Variants in AASS observed in about 807,000 individuals in gnomAD.
AASS encodes aminoadipate-semialdehyde synthase, also known as alpha-aminoadipic semialdehyde synthase, mitochondrial.
Under a neutral mutation model 105.4 loss-of-function variants are expected in AASS, and 86 were observed. The ratio of observed to expected loss-of-function variants is 0.82; its 90% confidence interval spans 0.69 to 0.98. The LOEUF is 0.98. Among genes scored for constraint, AASS ranks in the 50% least tolerant of loss-of-function variants. The pLI is 0.00. For missense variants in AASS, 1,048 were observed against 1,143.2 expected, an observed-to-expected ratio of 0.92 and a Z score of 1.20; for synonymous variants, 381 against 394.8, an observed-to-expected ratio of 0.96 and a Z score of 0.41.
At chr7:122,119,680 T>G (rs1347914366) in intron 4 of AASS, among the ~76,000 whole-genome samples, 2 of 152,196 alleles carry the variant, frequency 1.3e-5, no homozygotes, top group Non-Finnish European at 2.9e-5. Flanking sequence ...TGGTAACTGT[T>G]AACAAATATA....
chr7:122,129,654 A>G, intron 2 of AASS, 117 bp from the exon 3 acceptor site: 2 of 889,186 alleles, frequency 2.2e-6, no homozygotes, highest in Non-Finnish European at 3.6e-6. Context: ...ATCTGTATGA[A>G]TTAGAACAAA....
intron 21 of AASS, 44 bp from the exon 22 acceptor site, chr7:122,078,994 A>G: frequency 1.2e-6 from 2 of 1,613,810 alleles, no homozygotes; most frequent in Non-Finnish European, 1.7e-6. Context: ...AGTCCTATAC[A>G]TGTTCTCATT....
Position 122,116,939 on chromosome 7 carries a change from TA to T in AASS, c.705del (p.Phe235LeufsTer14). 6.2e-7 allele frequency: 1 copy of T among 1,613,912 alleles called. No homozygotes were observed. The highest frequency in any genetic ancestry group is 8.5e-7 in the Non-Finnish European group (1 of 1,179,968). On this transcript the variant is annotated frameshift_variant, in exon 7 of 24. Coordinates refer to ENST00000417368, the MANE Select transcript of AASS (RefSeq NM_005763.4). LOFTEE classifies it high-confidence loss of function. ...GNVSKGAQAI[F>X]NELPCEYVEP... ...TCCACATATTCACAAGGTAGCTCAT[TA>T]AAGATTGCTTGGGCTCCCTACAAAT...
rs897389139 is a variant in AASS at position 122,111,818 on chromosome 7, C to T, written c.1278+1300G>A. Reference sequence around the variant, plus strand: ...CTCGGGAGGCTGAGGCAGGAAGAATCGCTTGAACCTGGGAGGTGGAGGTTG... The same window carrying T: ...CTCGGGAGGCTGAGGCAGGAAGAATTGCTTGAACCTGGGAGGTGGAGGTTG... On this transcript the variant is annotated intron_variant, in intron 11 of 23. Transcript: ENST00000417368. Among the ~76,000 whole-genome samples the T allele has an allele frequency of 8.5e-5, 13 of 152,164 alleles. No homozygotes were observed. The East Asian group carries it at 2.5e-3, about 29-fold the overall frequency.
intron 1 of AASS, among the ~76,000 whole-genome samples, chr7:122,143,259 A>C (rs1796484214): frequency 1.3e-5 from 2 of 152,092 alleles, no homozygotes; most frequent in Admixed American, 6.6e-5. Flanking sequence ...GATAACCCAC[A>C]ACATCAAAAA....
At chr7:122,084,507 T>C (rs1793525037) in intron 19 of AASS, among the ~76,000 whole-genome samples, 1 of 152,094 alleles carries the variant, frequency 6.6e-6, no homozygotes, top group Admixed American at 6.6e-5. Flanking sequence ...TTATGCTAAG[T>C]GGAATAAGTG....
At chr7:122,091,451 G>T (rs1793895123) in intron 18 of AASS, among the ~76,000 whole-genome samples, 1 of 152,110 alleles carries the variant, frequency 6.6e-6, no homozygotes, top group Non-Finnish European at 1.5e-5. Context: ...CATATATAGA[G>T]AAGTGAATTT....
intron 9 of AASS, 80 bp downstream of exon 9, chr7:122,114,994 C>G: frequency 6.3e-7 from 1 of 1,592,842 alleles, no homozygotes; most frequent in Non-Finnish European, 8.6e-7. Flanking sequence ...AAATCAAGTC[C>G]TCTGATATGT....
chr7:122,086,326 A>C (rs1584816917), intron 18 of AASS, 147 bp from the exon 19 acceptor site: 2 of 780,272 alleles, frequency 2.6e-6, no homozygotes, highest in East Asian at 2.7e-5. Flanking sequence ...CCTATACTTA[A>C]GCTGTTCTAC....
At chr7:122,081,633 C>G in intron 19 of AASS, 38 bp from the exon 20 acceptor site, 1 of 1,465,624 alleles carries the variant, frequency 6.8e-7, no homozygotes, top group Non-Finnish European at 9.5e-7. Context: ...TAAAATTTTT[C>G]TCTTCCAATG....
At position 122,116,194 on chromosome 7, in the gene AASS, C is replaced by T. The variant is rs147175517; in HGVS notation, c.894+439G>A. The stretch of plus-strand genomic sequence containing the variant: ...GGGATGGTCTGCACTTATATAGGAA[C>T]GCTATTTAACCCTCACCCTGATAAT... On this transcript the variant is annotated intron_variant, in intron 8 of 23. Coordinates refer to ENST00000417368, the MANE Select transcript of AASS (RefSeq NM_005763.4). 2.5e-4 allele frequency among the ~76,000 whole-genome samples: 38 copies of T among 152,228 alleles called. No homozygotes were observed. The East Asian group carries it at 6.2e-3, about 25-fold the overall frequency.
At chr7:122,086,734 C>T (rs1423100510) in intron 18 of AASS, among the ~76,000 whole-genome samples, 2 of 152,056 alleles carry the variant, frequency 1.3e-5, no homozygotes, top group African/African-American at 2.4e-5. Flanking sequence ...CTTCTAAATG[C>T]CACATTAGGC....
chr7:122,089,949 G>A (rs1041107168), intron 18 of AASS, among the ~76,000 whole-genome samples: 8 of 152,200 alleles, frequency 5.3e-5, no homozygotes, highest in Non-Finnish European at 1.0e-4. Context: ...GATTGCAGAA[G>A]GTAAAAGGAG....
intron 4 of AASS, among the ~76,000 whole-genome samples, chr7:122,120,445 C>A (rs1424346616): frequency 6.6e-6 from 1 of 151,976 alleles, no homozygotes; most frequent in Non-Finnish European, 1.5e-5. Flanking sequence ...ATTGTCTTCT[C>A]TCTTTTTCTA....
At chr7:122,093,241 C>G in intron 15 of AASS, 83 bp from the exon 16 acceptor site, 1 of 975,246 alleles carries the variant, frequency 1.0e-6, no homozygotes, top group East Asian at 2.4e-5. Context: ...AAAGCTGCAT[C>G]TTAAGGTACT....
intron 18 of AASS, among the ~76,000 whole-genome samples, chr7:122,086,429 AT>A (rs966480681): frequency 3.9e-5 from 6 of 151,984 alleles, no homozygotes; most frequent in Admixed American, 3.3e-4. Flanking sequence ...CTTATTTTCA[AT>A]TTTTTTCCTT....
intron 16 of AASS, 38 bp downstream of exon 16, chr7:122,093,010 T>C (rs761136405): frequency 4.5e-5 from 72 of 1,610,258 alleles, no homozygotes; most frequent in Non-Finnish European, 6.1e-5. Flanking sequence ...AACAATGCCA[T>C]GGATCCACTC....
chr7:122,131,101 A>C (rs1303921950), intron 2 of AASS, among the ~76,000 whole-genome samples: 1 of 151,706 alleles, frequency 6.6e-6, no homozygotes, highest in Non-Finnish European at 1.5e-5. Context: ...GTGGGTGAGA[A>C]TTGGATGTAG....
intron 6 of AASS, among the ~76,000 whole-genome samples, chr7:122,117,295 T>A (rs1471858961): frequency 6.6e-6 from 1 of 152,212 alleles, no homozygotes; most frequent in Non-Finnish European, 1.5e-5. Flanking sequence ...AAATTATATT[T>A]CCTACAAAAG....
Sources: allele counts gnomAD v4.1 joint callset (sites outside exome capture counted in the v4.1 genomes callset), GRCh38; gene constraint gnomAD v4.1.1; transcripts MANE v1.5; gene names NCBI Gene and HGNC (gene_info 2026-07-23, HGNC 2026-07-21).